The following SLC9C1 variants were observed in gnomAD, a reference collection of about 807,000 sequenced individuals.
SLC9C1 encodes solute carrier family 9 member C1, also known as sodium/hydrogen exchanger 10.
Under a neutral mutation model 140.9 loss-of-function variants are expected in SLC9C1, and 97 were observed. The ratio of observed to expected loss-of-function variants is 0.69; its 90% CI spans 0.58 to 0.82. SLC9C1 has a LOEUF of 0.82. SLC9C1 is among the 40% of genes least tolerant of loss of function. The probability of loss-of-function intolerance (pLI) is 0.00; values close to 1 mark genes in which losing one functional copy is unlikely to be tolerated. For missense variants in SLC9C1, 1,340 were observed against 1,389.3 expected (o/e 0.96, Z 0.56); for synonymous variants, 440 against 442.6 (o/e 0.99, Z 0.07).
intron 12 of SLC9C1, 88 bp downstream of exon 12, chr3:112,239,752 A>G: frequency 8.1e-7 from 1 of 1,233,158 alleles, no homozygotes; most frequent in Admixed American, 2.9e-5. Context: ...CAAATATTAA[A>G]ACTTGTGAAT....
intron 12 of SLC9C1, among the ~76,000 whole-genome samples, chr3:112,234,102 G>T (rs2108186407): frequency 6.6e-6 from 1 of 152,288 alleles, no homozygotes; most frequent in East Asian, 1.9e-4. Flanking sequence ...CACCAACAGT[G>T]TAAAAGTGCT....
intron 1 of SLC9C1, among the ~76,000 whole-genome samples, chr3:112,287,682 A>G (rs2080549141): frequency 6.6e-6 from 1 of 152,200 alleles, no homozygotes; most frequent in East Asian, 1.9e-4. Flanking sequence ...TTATGATTCT[A>G]TCTCTCATAA....
At chr3:112,174,526 G>A (rs1346337836) in intron 23 of SLC9C1, among the ~76,000 whole-genome samples, 1 of 152,138 alleles carries the variant, frequency 6.6e-6, no homozygotes, top group African/African-American at 2.4e-5. Flanking sequence ...ATGTCTCTAG[G>A]AGCCTCTCCC....
chr3:112,271,393 G>GTACATATATATATATATATATA (rs2080070007), intron 6 of SLC9C1, among the ~76,000 whole-genome samples: 1 of 125,574 alleles, frequency 8.0e-6, no homozygotes. Context: ...ATTCTACATT[G>GTACATATATATATATATATATA]TATATATATA....
intron 20 of SLC9C1, among the ~76,000 whole-genome samples, chr3:112,184,584 C>T (rs1433286543): frequency 6.6e-6 from 1 of 152,102 alleles, no homozygotes; most frequent in Non-Finnish European, 1.5e-5. Context: ...TGCAGTGAGC[C>T]GAAATCTTGC....
chr3:112,243,370 G>T (rs2079189398), intron 11 of SLC9C1, among the ~76,000 whole-genome samples: 1 of 152,120 alleles, frequency 6.6e-6, no homozygotes, highest in South Asian at 2.1e-4. Flanking sequence ...GCCGCAACAT[G>T]GATAAAGCCA....
At chr3:112,275,454 G>T (rs1440139606) in intron 5 of SLC9C1, among the ~76,000 whole-genome samples, 1 of 152,100 alleles carries the variant, frequency 6.6e-6, no homozygotes, top group Non-Finnish European at 1.5e-5. Flanking sequence ...GAAATTATCT[G>T]ACTTTCTCAT....
intron 14 of SLC9C1, 121 bp downstream of exon 14, chr3:112,221,007 A>G (rs932366881): frequency 8.6e-6 from 6 of 696,336 alleles, no homozygotes; most frequent in Admixed American, 5.5e-5. Flanking sequence ...CTGTAATACT[A>G]TAGTATTAAT....
intron 20 of SLC9C1, among the ~76,000 whole-genome samples, chr3:112,191,068 A>G (rs891156223): frequency 6.6e-6 from 1 of 152,072 alleles, no homozygotes; most frequent in Admixed American, 6.6e-5. Flanking sequence ...TTGACTTTGT[A>G]TCCTACAACT....
chr3:112,177,077 G>A (rs2077353577), intron 23 of SLC9C1, among the ~76,000 whole-genome samples: 2 of 144,814 alleles, frequency 1.4e-5, no homozygotes, highest in Admixed American at 1.5e-4. Context: ...TGCGATCTCA[G>A]CTTACTGCAA....
At chr3:112,165,886 G>C (rs998296294) in intron 26 of SLC9C1, among the ~76,000 whole-genome samples, 2 of 152,216 alleles carry the variant, frequency 1.3e-5, no homozygotes. Context: ...TGCAGAAGCA[G>C]GCAGGCCTCC....
At chr3:112,225,444 A>C (rs1030096285) in intron 13 of SLC9C1, among the ~76,000 whole-genome samples, 16 of 152,172 alleles carry the variant, frequency 1.1e-4, no homozygotes, top group African/African-American at 3.6e-4. Flanking sequence ...ATGGTAGAGC[A>C]GATACACAAA....
chr3:112,153,758 T>A (rs919045086), intron 27 of SLC9C1, among the ~76,000 whole-genome samples: 1 of 152,234 alleles, frequency 6.6e-6, no homozygotes, highest in African/African-American at 2.4e-5. Flanking sequence ...GAAGGTCACG[T>A]GGCTATTAAG....
chr3:112,202,380 A>G lies in SLC9C1; in HGVS notation c.2192T>C (p.Leu731Pro), dbSNP rs761570310. The change falls in exon 18 of 29, where the codon CTG becomes CCG. Residue 731 changes from leucine (L) to proline (P), a missense_variant. Physicochemically the swap from Leu to Pro is moderately conservative, Grantham distance 98 (BLOSUM62 -3). Transcript: ENST00000305815. ...RIFKLIAPKL[L>P]QIIDKRMSHQ... ...ACTCATTCTTTTATCTATTATTTGC[A>G]GCAACTTTGGTGCTATGAGCTGAAT... 1.3e-6 allele frequency: 2 copies of G among 1,599,468 alleles called. No individual in the cohort carries two copies. Among genetic ancestry groups the G allele is most frequent in the African/African-American group, 2.7e-5 (2 of 74,512 alleles).
At chr3:112,190,120 A>T (rs2077625622) in intron 20 of SLC9C1, among the ~76,000 whole-genome samples, 1 of 152,184 alleles carries the variant, frequency 6.6e-6, no homozygotes, top group South Asian at 2.1e-4. Flanking sequence ...TTATCAGCTT[A>T]AGGAGATTTT....
Position 112,290,476 on chromosome 3 carries a change from G to A in SLC9C1, c.-87-3598C>T, listed in dbSNP as rs148936504. Among the ~76,000 whole-genome samples, 118 of 152,160 alleles carry A rather than the reference G, an allele frequency of 7.8e-4. No homozygotes were observed. In the Middle Eastern group the frequency reaches 0.01, roughly 13 times the overall value. ...GCTGACAAGTGTTCTTTGTTTGACC[G>A]TATGGTTGATTTTAGAGTATGTGTC... On this transcript the variant is annotated intron_variant, in intron 1 of 28. Coordinates refer to ENST00000305815, the MANE Select transcript of SLC9C1 (RefSeq NM_183061.3).
chr3:112,207,497 T>C (rs1422276376), intron 16 of SLC9C1, among the ~76,000 whole-genome samples: 1 of 152,098 alleles, frequency 6.6e-6, no homozygotes, highest in Non-Finnish European at 1.5e-5. Context: ...TTAATTCACA[T>C]CTATGTCTCT....
chr3:112,166,887 T>C (rs1317502007), intron 26 of SLC9C1, among the ~76,000 whole-genome samples: 3 of 152,224 alleles, frequency 2.0e-5, no homozygotes, highest in African/African-American at 7.2e-5. Context: ...CAGTGATTTA[T>C]GTTTGTTGTT....
chr3:112,231,521 A>G (rs1195998802), intron 12 of SLC9C1, 35 bp from the exon 13 acceptor site: 1 of 1,553,622 alleles, frequency 6.4e-7, no homozygotes, highest in South Asian at 1.2e-5. Context: ...CAAAAAATAC[A>G]TGAATATTAA....
Sources: allele counts gnomAD v4.1 joint callset (sites outside exome capture counted in the v4.1 genomes callset), GRCh38; gene constraint gnomAD v4.1.1; transcripts MANE v1.5; gene names NCBI Gene and HGNC (gene_info 2026-07-23, HGNC 2026-07-21).